BMPER: variants seen among roughly 807,000 people sequenced by gnomAD.
BMPER encodes the protein BMP-binding endothelial regulator protein.
Under a neutral mutation model 87.3 loss-of-function variants are expected in BMPER, and 45 were observed. The ratio of observed to expected loss-of-function variants is 0.52; its 90% CI spans 0.41 to 0.66. The LOEUF (loss-of-function observed/expected upper bound fraction) is 0.66, where lower values mean the gene tolerates loss of function less well. BMPER is among the 30% of genes least tolerant of loss of function. BMPER has a pLI of 0.00. For synonymous variants in BMPER, 326 were observed against 316.2 expected (o/e 1.03, Z -0.33); for missense variants, 784 against 867.5 (o/e 0.90, Z 1.21).
At chr7:34,091,596 C>T (rs74786228) in intron 13 of BMPER, among the ~76,000 whole-genome samples, 4 of 152,336 alleles carry the variant, frequency 2.6e-5, no homozygotes, top group South Asian at 4.1e-4. Flanking sequence ...TGTCTACAAA[C>T]ACAATGAACA....
chr7:33,929,676 GGCTA>G (rs1396216142), intron 2 of BMPER, among the ~76,000 whole-genome samples: 59 of 152,260 alleles, frequency 3.9e-4, no homozygotes, highest in Non-Finnish European at 2.4e-4. Context: ...TCTCTGCCCT[GGCTA>G]GCTATGTAAA....
At chr7:34,061,906 T>C in intron 10 of BMPER, 96 bp from the exon 11 acceptor site, 1 of 1,029,058 alleles carries the variant, frequency 9.7e-7, no homozygotes, top group Non-Finnish European at 1.4e-6. Flanking sequence ...CATTGGTTTA[T>C]CTTGTATTAG....
chr7:33,941,303 C>T (rs1319122508), intron 3 of BMPER, among the ~76,000 whole-genome samples: 4 of 149,184 alleles, frequency 2.7e-5, no homozygotes, highest in African/African-American at 4.9e-5. Flanking sequence ...GAAATGGAGC[C>T]TCGTTTTTTC....
chr7:33,989,012 T>G (rs1213121603), intron 6 of BMPER, among the ~76,000 whole-genome samples: 1 of 139,686 alleles, frequency 7.2e-6, no homozygotes, highest in African/African-American at 2.8e-5. Flanking sequence ...AACCAGTCTA[T>G]CATTGTTGGA....
chr7:34,046,386 G>A lies in BMPER; in HGVS notation c.657G>A (p.Gln219=). The part of the protein sequence containing the change: ...PQHLSHIPPG[Q]CCPKCLGQRK... ...ACCTTAGTCACATACCCCCAGGACA[G>A]TGCTGCCCCAAATGTTTGGGTGAGT... Residue 219 remains glutamine (Q), a synonymous_variant, in exon 7 of 15, where the codon CAG becomes CAA. Coordinates refer to ENST00000649409, the MANE Select transcript of BMPER (RefSeq NM_001365308.1). The A allele has an allele frequency of 6.2e-7, 1 of 1,613,958 alleles. No individual in the cohort carries two copies. Among genetic ancestry groups the A allele is most frequent in the Non-Finnish European group, 8.5e-7 (1 of 1,179,848 alleles).
At chr7:33,985,667 T>A (rs17170513) in intron 6 of BMPER, among the ~76,000 whole-genome samples, 1 of 152,066 alleles carries the variant, frequency 6.6e-6, no homozygotes, top group Admixed American at 6.5e-5. Flanking sequence ...TTTGGAAATC[T>A]TGTTTTCATG....
At chr7:34,054,867 C>T (rs1788240905) in intron 8 of BMPER, among the ~76,000 whole-genome samples, 1 of 152,092 alleles carries the variant, frequency 6.6e-6, no homozygotes, top group Non-Finnish European at 1.5e-5. Flanking sequence ...GGGAGCTGGG[C>T]GGTCTTGCCA....
At chr7:34,085,071 G>A (rs968648464) in intron 12 of BMPER, among the ~76,000 whole-genome samples, 5 of 152,154 alleles carry the variant, frequency 3.3e-5, no homozygotes, top group African/African-American at 9.7e-5. Flanking sequence ...AACCCAGAAC[G>A]GAGGCCTGAG....
intron 6 of BMPER, among the ~76,000 whole-genome samples, chr7:34,028,418 T>A (rs1562697621): frequency 6.6e-6 from 1 of 151,866 alleles, no homozygotes; most frequent in South Asian, 2.1e-4. Context: ...AACATCAATC[T>A]GTAGATAAGA....
chr7:33,918,575 T>C (rs1032974222), intron 2 of BMPER, among the ~76,000 whole-genome samples: 1 of 152,224 alleles, frequency 6.6e-6, no homozygotes, highest in Admixed American at 6.5e-5. Flanking sequence ...GCAGTGTTTT[T>C]TTTGGTCTCA....
At chr7:34,056,275 G>A (rs574756602) in intron 9 of BMPER, among the ~76,000 whole-genome samples, 19 of 152,256 alleles carry the variant, frequency 1.2e-4, no homozygotes, top group African/African-American at 2.4e-4. Flanking sequence ...TAGAAAGGAT[G>A]GCTAATGCAT....
At chr7:33,929,010 T>C (rs1784424196) in intron 2 of BMPER, among the ~76,000 whole-genome samples, 1 of 152,162 alleles carries the variant, frequency 6.6e-6, no homozygotes, top group Admixed American at 6.5e-5. Context: ...TGCAGAGAAG[T>C]GAATTTCTTC....
chr7:33,906,699 A>AT, intron 1 of BMPER, 119 bp from the exon 2 acceptor site: 1 of 876,264 alleles, frequency 1.1e-6, no homozygotes, highest in Non-Finnish European at 1.9e-6. Flanking sequence ...TTTAAACCAC[A>AT]TTAAGAATTC....
intron 3 of BMPER, among the ~76,000 whole-genome samples, chr7:33,957,932 G>A (rs1785186374): frequency 6.6e-6 from 1 of 152,104 alleles, no homozygotes; most frequent in African/African-American, 2.4e-5. Context: ...TGACACAGAT[G>A]GTGTTTCATA....
intron 6 of BMPER, among the ~76,000 whole-genome samples, chr7:34,009,810 A>G (rs1786831894): frequency 6.6e-6 from 1 of 151,754 alleles, no homozygotes; most frequent in African/African-American, 2.4e-5. Context: ...TTCTCAAAAC[A>G]TTTTTCTTCA....
At chr7:33,970,016 C>G (rs1273649094) in intron 4 of BMPER, among the ~76,000 whole-genome samples, 1 of 152,108 alleles carries the variant, frequency 6.6e-6, no homozygotes, top group Non-Finnish European at 1.5e-5. Flanking sequence ...GAATGAGCAG[C>G]TAGATTCTGT....
intron 11 of BMPER, among the ~76,000 whole-genome samples, chr7:34,065,281 G>A (rs1049010650): frequency 2.2e-5 from 3 of 139,464 alleles, no homozygotes; most frequent in Admixed American, 1.5e-4. Flanking sequence ...ATGTTACTGC[G>A]GAGTTTTCAA....
chr7:33,980,777 T>A (rs1247702036), intron 6 of BMPER, among the ~76,000 whole-genome samples: 2 of 152,140 alleles, frequency 1.3e-5, no homozygotes, highest in African/African-American at 4.8e-5. Flanking sequence ...GCGTATTAAG[T>A]TCAGAGGATT....
intron 13 of BMPER, among the ~76,000 whole-genome samples, chr7:34,141,139 A>G (rs1429410529): frequency 6.6e-6 from 1 of 152,220 alleles, no homozygotes; most frequent in Non-Finnish European, 1.5e-5. Flanking sequence ...AATGACATTG[A>G]GGGAGATTCA....
Sources: gnomAD v4.1 joint callset for allele counts (sites outside exome capture counted in the v4.1 genomes callset) on GRCh38, gnomAD v4.1.1 for gene constraint, MANE v1.5 for transcripts, NCBI Gene and HGNC (gene_info 2026-07-23, HGNC 2026-07-21) for gene names.